The following CNTN5 variants were observed in gnomAD, a reference collection of about 807,000 sequenced individuals.
CNTN5 encodes contactin 5, also known as contactin-5.
A neutral mutation model predicts 129.1 loss-of-function variants in CNTN5; 77 were observed. That is an observed-to-expected ratio of 0.60 (90% confidence interval 0.50 to 0.72). The LOEUF (loss-of-function observed/expected upper bound fraction) is 0.72, where lower values mean the gene tolerates loss of function less well. Ranked by LOEUF, CNTN5 falls within the 30% of genes least tolerant of loss-of-function variation. The pLI is 0.00. For missense variants in CNTN5, 1,478 were observed against 1,328.8 expected (o/e 1.11, Z -1.75); for synonymous variants, 509 against 465.6 (o/e 1.09, Z -1.20).
intron 1 of CNTN5, among the ~76,000 whole-genome samples, chr11:99,140,821 C>A (rs183952654): frequency 1.1e-4 from 16 of 151,474 alleles, no homozygotes; most frequent in African/African-American, 2.7e-4. Flanking sequence ...ATCAAACCAA[C>A]CTTGAATCAC....
chr11:99,512,089 C>A (rs186416367), intron 2 of CNTN5, among the ~76,000 whole-genome samples: 241 of 152,216 alleles, frequency 1.6e-3, no homozygotes, highest in African/African-American at 5.2e-3. Flanking sequence ...CAGTAATGTC[C>A]TAGGGCTTCA....
intron 18 of CNTN5, among the ~76,000 whole-genome samples, chr11:100,287,630 C>T (rs1454623175): frequency 2.6e-5 from 4 of 151,442 alleles, no homozygotes; most frequent in Non-Finnish European, 5.9e-5. Context: ...AAAGGAACAA[C>T]CGGTACCAGC....
At chr11:100,056,350 T>C (rs1943221285) in intron 9 of CNTN5, among the ~76,000 whole-genome samples, 2 of 151,444 alleles carry the variant, frequency 1.3e-5, no homozygotes, top group Admixed American at 6.6e-5. Flanking sequence ...GATTACCAAA[T>C]ATAGCTTTTA....
In CNTN5 at chr11:100,255,742, A is replaced by G; in HGVS notation, c.2006-18A>G. 1 of 1,609,480 alleles carries G rather than the reference A, an allele frequency of 6.2e-7. No homozygotes were observed. Among genetic ancestry groups the G allele is most frequent in the East Asian group, 2.2e-5 (1 of 44,800 alleles). ...TAATAATTTGTGCTTAACTTTATCC[A>G]TTGCCTTTGACCTATAGGACCCCCA... On this transcript the variant is annotated intron_variant, in intron 16 of 24. Transcript: ENST00000524871.
At chr11:100,026,482 T>C (rs1941423839) in intron 9 of CNTN5, among the ~76,000 whole-genome samples, 1 of 152,222 alleles carries the variant, frequency 6.6e-6, no homozygotes, top group Non-Finnish European at 1.5e-5. Context: ...AAAATGACTG[T>C]ACTATTTTGC....
intron 2 of CNTN5, among the ~76,000 whole-genome samples, chr11:99,377,986 T>C: frequency 6.6e-6 from 1 of 152,166 alleles, no homozygotes. Context: ...TCACAGTTCA[T>C]ATTGCAAGAT....
At chr11:99,883,262 C>A (rs976241011) in intron 6 of CNTN5, among the ~76,000 whole-genome samples, 4 of 152,088 alleles carry the variant, frequency 2.6e-5, no homozygotes, top group Non-Finnish European at 5.9e-5. Context: ...TATGGTAGCT[C>A]AGTTTTTAGT....
At chr11:99,175,970 A>C (rs1361617867) in intron 1 of CNTN5, among the ~76,000 whole-genome samples, 1 of 152,180 alleles carries the variant, frequency 6.6e-6, no homozygotes, top group Non-Finnish European at 1.5e-5. Flanking sequence ...TCAAGACACT[A>C]TTATCTCAAG....
At chr11:99,961,216 A>AAAAAAAAAC (rs1555167371) in intron 8 of CNTN5, among the ~76,000 whole-genome samples, 8 of 144,892 alleles carry the variant, frequency 5.5e-5, no homozygotes, top group African/African-American at 2.0e-4. Flanking sequence ...GAAAAAAAAA[A>AAAAAAAAAC]AAAAAAAAAC....
chr11:99,666,332 G>A (rs139951677), intron 3 of CNTN5, among the ~76,000 whole-genome samples: 381 of 152,264 alleles, frequency 2.5e-3, no homozygotes, highest in African/African-American at 8.9e-3. Flanking sequence ...AATTGGAGAT[G>A]CAATGGGGAA....
At chr11:99,495,021 T>C (rs1004661446) in intron 2 of CNTN5, among the ~76,000 whole-genome samples, 5 of 152,214 alleles carry the variant, frequency 3.3e-5, no homozygotes, top group Admixed American at 6.5e-5. Flanking sequence ...AAAGTGTTGA[T>C]ACAGGGTCTT....
chr11:99,079,408 A>G lies in CNTN5; in HGVS notation c.-210+58138A>G, dbSNP rs1474083770. ...CTGCAGTTTTAGATGCTATGGTTAG[A>G]AAAAAAAAGTGGAGTAGCATGTAAT... On this transcript the variant is annotated intron_variant, in intron 1 of 24. Transcript: ENST00000524871. Among the ~76,000 whole-genome samples, 4 of 151,596 alleles carry G rather than the reference A, an allele frequency of 2.6e-5. No homozygotes were observed. The East Asian group carries it at 7.8e-4, about 29-fold the overall frequency.
At chr11:100,244,581 G>A (rs1949806174) in intron 16 of CNTN5, among the ~76,000 whole-genome samples, 1 of 152,090 alleles carries the variant, frequency 6.6e-6, no homozygotes, top group African/African-American at 2.4e-5. Context: ...GCAGTGGGGA[G>A]CACACAAAAT....
At chr11:99,448,490 C>A (rs1369122197) in intron 2 of CNTN5, among the ~76,000 whole-genome samples, 4 of 151,852 alleles carry the variant, frequency 2.6e-5, no homozygotes, top group Non-Finnish European at 4.4e-5. Context: ...AGTTTAGAAA[C>A]CTTTCGATTT....
chr11:100,014,219 G>A (rs1591055837), intron 9 of CNTN5, among the ~76,000 whole-genome samples: 2 of 152,128 alleles, frequency 1.3e-5, no homozygotes, highest in African/African-American at 2.4e-5. Context: ...AATTACTAAT[G>A]TTATATATAC....
intron 18 of CNTN5, among the ~76,000 whole-genome samples, chr11:100,287,261 A>C (rs1950819101): frequency 1.3e-5 from 2 of 152,190 alleles, no homozygotes; most frequent in African/African-American, 4.8e-5. Flanking sequence ...AGAGAATGCC[A>C]TAAAGATACT....
chr11:99,730,707 G>A (rs117754481), intron 3 of CNTN5, among the ~76,000 whole-genome samples: 2,508 of 152,008 alleles, frequency 0.016, 36 homozygotes, highest in Middle Eastern at 0.034. Flanking sequence ...ACATATTTAC[G>A]GAAACGTGAT....
intron 3 of CNTN5, among the ~76,000 whole-genome samples, chr11:99,596,191 T>C (rs1265132998): frequency 1.3e-5 from 2 of 152,098 alleles, no homozygotes; most frequent in East Asian, 3.9e-4. Context: ...AGGACTTTGC[T>C]AAAAATTACA....
At chr11:99,505,179 T>A (rs1946572006) in intron 2 of CNTN5, among the ~76,000 whole-genome samples, 1 of 152,182 alleles carries the variant, frequency 6.6e-6, no homozygotes, top group Non-Finnish European at 1.5e-5. Flanking sequence ...AAGAAAGCGC[T>A]GGACTTGTTT....
Sources: gnomAD v4.1 joint callset for allele counts (sites outside exome capture counted in the v4.1 genomes callset) on GRCh38, gnomAD v4.1.1 for gene constraint, MANE v1.5 for transcripts, NCBI Gene and HGNC (gene_info 2026-07-23, HGNC 2026-07-21) for gene names.